ZNF800: variants seen among roughly 807,000 people sequenced by gnomAD.
ZNF800 encodes zinc finger protein 800.
In ZNF800, 13 loss-of-function variants were observed where a neutral mutation model predicts 59.5. That is an observed-to-expected ratio of 0.22 (90% CI 0.14 to 0.35). ZNF800 has a LOEUF of 0.35. Ranked by LOEUF, ZNF800 falls within the 10% of genes least tolerant of loss-of-function variation. The pLI is 1.00. For synonymous variants in ZNF800, 266 were observed against 265.7 expected (o/e 1.00, Z -0.01); for missense variants, 621 against 783.7 (o/e 0.79, Z 2.48).
intron 1 of ZNF800, 55 bp downstream of exon 1, chr7:127,392,005 G>T (rs1014342387): frequency 1.1e-4 from 41 of 385,622 alleles, no homozygotes; most frequent in African/African-American, 5.8e-4. Context: ...ACGCACGTGC[G>T]TTGGGGTCTC....
downstream of ZNF800, among the ~76,000 whole-genome samples, chr7:127,369,796 G>A (rs1281866325): frequency 6.6e-6 from 1 of 151,964 alleles, no homozygotes; most frequent in Non-Finnish European, 1.5e-5. Flanking sequence ...GTAGAAATAG[G>A]TGGGTAGAGT....
intron 3 of ZNF800, among the ~76,000 whole-genome samples, chr7:127,379,271 A>C (rs532897846): frequency 2.0e-5 from 3 of 152,284 alleles, no homozygotes; most frequent in African/African-American, 7.2e-5. Flanking sequence ...TGAGAGGTAG[A>C]CTGATTTTAA....
chr7:127,372,872 T>C lies in ZNF800; in HGVS notation c.1994+470A>G, dbSNP rs145209639. 7.1e-4 allele frequency: 696 copies of C among 985,340 alleles called. 8 individuals are homozygous for C. The African/African-American group carries it at 0.011, about 15-fold the overall frequency. The allele number at this position is 985,340 out of a possible 1,614,324, so 61.0% of individuals were successfully genotyped here. Reference sequence around the variant, plus strand: ...AGCCGTCACAGATTAATTTTTACAATAATTACAGTGCCTCAAAAGATTTTT... The same window carrying C: ...AGCCGTCACAGATTAATTTTTACAACAATTACAGTGCCTCAAAAGATTTTT... On this transcript the variant is annotated intron_variant, in intron 5 of 5. Coordinates refer to ENST00000265827, the MANE Select transcript of ZNF800 (RefSeq NM_176814.5).
intron 3 of ZNF800, among the ~76,000 whole-genome samples, chr7:127,379,999 C>T (rs1800928166): frequency 2.0e-5 from 3 of 151,820 alleles, no homozygotes; most frequent in African/African-American, 7.3e-5. Context: ...AGGCCTTCAC[C>T]TATGTTTTTT....
intron 3 of ZNF800, among the ~76,000 whole-genome samples, chr7:127,384,219 T>A (rs1175299730): frequency 8.6e-5 from 12 of 139,882 alleles, no homozygotes; most frequent in Admixed American, 8.2e-4. Flanking sequence ...CTTAACTAAT[T>A]CTAACTTCTT....
At chr7:127,348,699 G>GT (rs1324044412) in intron 1 of ZNF800, among the ~76,000 whole-genome samples, 1 of 152,180 alleles carries the variant, frequency 6.6e-6, no homozygotes, top group Non-Finnish European at 1.5e-5. Flanking sequence ...ATGTTAAGCA[G>GT]TTATCTCCAG....
chr7:127,358,645 T>A (rs1437427469), intron 1 of ZNF800, among the ~76,000 whole-genome samples: 1 of 152,116 alleles, frequency 6.6e-6, no homozygotes, highest in Non-Finnish European at 1.5e-5. Flanking sequence ...CATGGAAACT[T>A]TTTCTGCCTA....
intron 3 of ZNF800, among the ~76,000 whole-genome samples, chr7:127,384,629 C>A (rs1801085181): frequency 6.6e-6 from 1 of 152,020 alleles, no homozygotes; most frequent in African/African-American, 2.4e-5. Context: ...AAACCTATAA[C>A]AAGTAATATT....
downstream of ZNF800, among the ~76,000 whole-genome samples, chr7:127,368,204 T>C (rs1800553165): frequency 6.6e-6 from 1 of 152,066 alleles, no homozygotes; most frequent in South Asian, 2.1e-4. Flanking sequence ...AGAAATGAAT[T>C]TGGAAAGTTA....
At position 127,358,638 on chromosome 7, in the gene ZNF800, G is replaced by A. The variant is rs1356291275; in HGVS notation, n.225-10595C>T. 1.3e-5 allele frequency among the ~76,000 whole-genome samples: 2 copies of A among 151,988 alleles called. 1 individual carries two copies. The highest frequency in any genetic ancestry group is 2.9e-5 in the Non-Finnish European group (2 of 67,978). On this transcript the variant is annotated intron_variant and non_coding_transcript_variant, in intron 1 of 1. Coordinates refer to the ZNF800 transcript ENST00000485577. ...TGATTTCATGTCTCTGTACCTACAT[G>A]GAAACTTTTTCTGCCTATCTCTTTC... is the stretch of plus-strand genomic sequence containing the variant.
At position 127,379,836 on chromosome 7, in the gene ZNF800, A is replaced by ACCCCCCACCCC. The variant is rs1800905580; in HGVS notation, c.158-2508_158-2507insGGGGTGGGGGG. 3.3e-4 allele frequency among the ~76,000 whole-genome samples: 9 copies of ACCCCCCACCCC among 27,654 alleles called. 2 individuals are homozygous for ACCCCCCACCCC. Among genetic ancestry groups the ACCCCCCACCCC allele is most frequent in the Non-Finnish European group, 4.6e-4 (7 of 15,070 alleles). 18.1% of individuals were successfully genotyped at this position (27,654 alleles called of 152,430 possible). On this transcript the variant is annotated intron_variant, in intron 3 of 5. Coordinates refer to ENST00000265827, the MANE Select transcript of ZNF800 (RefSeq NM_176814.5). The stretch of plus-strand genomic sequence containing the variant: ...ACAAATGCTTCCCCTTACCCTTGCC[A>ACCCCCCACCCC]CCCCCCCACCCCCCCACCCCCCCCA...
chr7:127,373,381 T>A lies in ZNF800; in HGVS notation c.1955A>T (p.Lys652Ile), dbSNP rs748430315. The A allele has an allele frequency of 1.2e-6, 2 of 1,609,808 alleles. No individual in the cohort carries two copies. Among genetic ancestry groups the A allele is most frequent in the Non-Finnish European group, 1.7e-6 (2 of 1,177,688 alleles). ...ANASNSPEGN[K>I]TKGRSTRSKA... ...AGATCTTGTACTTCGGCCTTTGGTT[T>A]TGTTTCCTTCAGGTGAATTGGAAGC... is the stretch of plus-strand genomic sequence containing the variant. The change falls in exon 5 of 6, where the codon AAA becomes ATA. Residue 652 changes from lysine (K) to isoleucine (I), a missense_variant. Coordinates refer to ENST00000265827, the MANE Select transcript of ZNF800 (RefSeq NM_176814.5).
intron 3 of ZNF800, among the ~76,000 whole-genome samples, chr7:127,378,638 ATC>A (rs1299678001): frequency 6.6e-6 from 1 of 152,020 alleles, no homozygotes; most frequent in Admixed American, 6.6e-5. Flanking sequence ...ATATTTTGCA[ATC>A]TGTTTACATT....
At chr7:127,358,770 G>A (rs1176346018) in intron 1 of ZNF800, among the ~76,000 whole-genome samples, 1 of 152,000 alleles carries the variant, frequency 6.6e-6, no homozygotes, top group Non-Finnish European at 1.5e-5. Flanking sequence ...CATCATACTT[G>A]AAGAGGAACT....
In ZNF800 at chr7:127,391,499, G is replaced by C. The variant is rs1262921873; in HGVS notation, c.59C>G (p.Pro20Arg). The change falls in exon 2 of 6, where the codon CCA becomes CGA. Residue 20 changes from proline (P) to arginine (R), a missense_variant and splice_region_variant. By Grantham distance (103) the Pro-to-Arg change is moderately radical. Transcript: ENST00000265827. The stretch of plus-strand genomic sequence containing the variant: ...ACTGCGGACGAAGAGGGGTCTACCT[G>C]GTTCACAGCATCCGTGATGATGGTG... ...TDHHHHGCCEPVYILEPGDPP... is the reference protein window; with the variant it reads ...TDHHHHGCCERVYILEPGDPP... 2 of 1,614,120 alleles carry C rather than the reference G, an allele frequency of 1.2e-6. No homozygotes were observed. Among genetic ancestry groups the C allele is most frequent in the Admixed American group, 3.3e-5 (2 of 60,026 alleles).
At chr7:127,384,605 G>GA (rs144496230) in intron 3 of ZNF800, among the ~76,000 whole-genome samples, 17,894 of 151,700 alleles carry the variant, frequency 0.12, 1,181 homozygotes, top group Middle Eastern at 0.26. Context: ...TCCAAATTAA[G>GA]AATTTTAAAA....
rs796772412 is a variant in ZNF800 at position 127,371,699 on chromosome 7, T to C, written c.*115A>G. On this transcript the variant is annotated 3_prime_UTR_variant, in exon 6 of 6. Coordinates refer to ENST00000265827, the MANE Select transcript of ZNF800 (RefSeq NM_176814.5). Reference sequence around the variant, plus strand: ...AGTTATAGTTGAATATTTAGAAAAATGTTTTTCTTTTTTTCCTCATAGTAC... The same window carrying C: ...AGTTATAGTTGAATATTTAGAAAAACGTTTTTCTTTTTTTCCTCATAGTAC... 23 of 590,214 alleles carry C rather than the reference T, an allele frequency of 3.9e-5. 1 individual carries two copies. In the South Asian group the frequency reaches 4.3e-4, roughly 11 times the overall value. 36.6% of individuals were successfully genotyped at this position (590,214 alleles called of 1,614,324 possible). A position where few individuals can be genotyped will look rare whatever the true frequency, so the allele number is the denominator to read the frequency against.
At position 127,377,170 on chromosome 7, in the gene ZNF800, T is replaced by C. The variant is rs1219456420; in HGVS notation, c.301+16A>G. The C allele has an allele frequency of 1.2e-6, 2 of 1,602,026 alleles. No homozygotes were observed. The highest frequency in any genetic ancestry group is 8.5e-7 in the Non-Finnish European group (1 of 1,175,220). On this transcript the variant is annotated intron_variant, in intron 4 of 5. Transcript: ENST00000265827. The surrounding 1 kb of genome is among the most constrained non-coding windows in gnomAD (Gnocchi z 4.7). ...TAGCTGTAAAATGCATAACTGAGTA[T>C]ATGAATAAAACTTACTGTCATCCAT... is the stretch of plus-strand genomic sequence containing the variant.
chr7:127,373,436 C>A lies in ZNF800; in HGVS notation c.1900G>T (p.Glu634Ter). The stretch of plus-strand genomic sequence containing the variant: ...GCCTTATGAGTTTTCTTATGATGTT[C>A]AAGGTAAGTCTTTTTGGCAAATGCC... ...GKAFAKKTYL[E>*]HHKKTHKANA... Residue 634 changes from glutamate (E) to a stop codon, truncating the protein, a stop_gained, in exon 5 of 6, where the codon GAA becomes TAA. Transcript: ENST00000265827. LOFTEE classifies it high-confidence loss of function. 1 of 1,614,030 alleles carries A rather than the reference C, an allele frequency of 6.2e-7. No homozygotes were observed. Among genetic ancestry groups the A allele is most frequent in the Non-Finnish European group, 8.5e-7 (1 of 1,179,984 alleles).
Sources: allele counts gnomAD v4.1 joint callset (sites outside exome capture counted in the v4.1 genomes callset), GRCh38; gene constraint gnomAD v4.1.1; non-coding constraint Gnocchi (gnomAD v3.1); transcripts MANE v1.5; gene names NCBI Gene and HGNC (gene_info 2026-07-23, HGNC 2026-07-21).